The following NTM variants were observed in gnomAD, a reference collection of about 807,000 sequenced individuals.
The protein encoded by NTM is IgLON family member 2.
Under a neutral mutation model 42.1 loss-of-function variants are expected in NTM, and 13 were observed. The ratio of observed to expected loss-of-function variants is 0.31; its 90% CI spans 0.20 to 0.49. The LOEUF is 0.49. NTM is among the 20% of genes least tolerant of loss of function. The pLI is 0.99. For missense variants in NTM, 373 were observed against 452.8 expected (o/e 0.82, Z 1.60); for synonymous variants, 187 against 179.2 (o/e 1.04, Z -0.35).
chr11:132,108,263 A>G (rs1407464587), intron 2 of NTM, among the ~76,000 whole-genome samples: 1 of 152,226 alleles, frequency 6.6e-6, no homozygotes, highest in Non-Finnish European at 1.5e-5. Context: ...CATCAAAACG[A>G]CAATAGCTGC....
At chr11:132,305,039 C>T (rs2095027642) in intron 4 of NTM, among the ~76,000 whole-genome samples, 1 of 152,218 alleles carries the variant, frequency 6.6e-6, no homozygotes, top group Non-Finnish European at 1.5e-5. Flanking sequence ...CAAAACTACA[C>T]ATAAATTAAT....
chr11:132,289,773 T>C (rs2094390511), intron 4 of NTM, among the ~76,000 whole-genome samples: 1 of 152,232 alleles, frequency 6.6e-6, no homozygotes, highest in Admixed American at 6.5e-5. Context: ...CTATCACCAC[T>C]GCTGCAAGAC....
intron 1 of NTM, among the ~76,000 whole-genome samples, chr11:131,627,227 A>ATT (rs952030291): frequency 4.7e-5 from 7 of 148,662 alleles, no homozygotes; most frequent in South Asian, 4.2e-4. Flanking sequence ...TTATTTATTT[A>ATT]TTTTTTTTGT....
At chr11:131,795,655 C>T (rs889571443) in intron 1 of NTM, 3 of 985,260 alleles carry the variant, frequency 3.0e-6, no homozygotes, top group East Asian at 2.3e-4. Flanking sequence ...CAGTACAGTG[C>T]CAGTGCCCAT....
At chr11:132,274,134 T>G (rs1297655203) in intron 4 of NTM, among the ~76,000 whole-genome samples, 1 of 152,178 alleles carries the variant, frequency 6.6e-6, no homozygotes, top group Non-Finnish European at 1.5e-5. Flanking sequence ...GTTTTTTTCT[T>G]TGTTCAGCCT....
At chr11:131,428,305 A>G (rs1948348967) in intron 1 of NTM, among the ~76,000 whole-genome samples, 2 of 152,222 alleles carry the variant, frequency 1.3e-5, no homozygotes, top group African/African-American at 4.8e-5. Context: ...TGAGCACGTG[A>G]ACATCACCGT....
chr11:132,226,677 C>A (rs201058532), intron 4 of NTM, among the ~76,000 whole-genome samples: 2 of 152,036 alleles, frequency 1.3e-5, no homozygotes, highest in Admixed American at 1.3e-4. Flanking sequence ...CCAGTAAAGG[C>A]ATAAAGGTAT....
Position 132,300,095 on chromosome 11 carries a change from A to G in NTM, c.527-7594A>G, listed in dbSNP as rs139143701. On this transcript the variant is annotated intron_variant, in intron 4 of 8. Transcript: ENST00000683400. ...ACATCCTGTTTTAAGTCAAGAGAGTAGAGTTTTCTAGTTAAAGGATATGTG... is the reference window on the plus strand; with the variant it reads ...ACATCCTGTTTTAAGTCAAGAGAGTGGAGTTTTCTAGTTAAAGGATATGTG... Among the ~76,000 whole-genome samples the G allele has an allele frequency of 2.0e-5, 3 of 152,242 alleles. No homozygotes were observed. The East Asian group carries it at 5.8e-4, about 29-fold the overall frequency.
chr11:131,739,484 G>T (rs573362627), intron 1 of NTM, among the ~76,000 whole-genome samples: 52 of 152,292 alleles, frequency 3.4e-4, no homozygotes, highest in African/African-American at 1.3e-3. Context: ...AAAGGTTTGT[G>T]TCTCTTAGCT....
At chr11:132,038,650 C>T (rs1485812252) in intron 2 of NTM, among the ~76,000 whole-genome samples, 1 of 152,230 alleles carries the variant, frequency 6.6e-6, no homozygotes, top group African/African-American at 2.4e-5. Flanking sequence ...GCTGCACTTA[C>T]TGATGTTGTC....
chr11:131,795,262 T>C (rs908072364), intron 1 of NTM: 2 of 474,554 alleles, frequency 4.2e-6, no homozygotes, highest in African/African-American at 4.2e-5. Context: ...AATAGGATAA[T>C]CATTTCTTCC....
intron 1 of NTM, among the ~76,000 whole-genome samples, chr11:131,681,785 GTC>G (rs1395773383): frequency 2.2e-5 from 3 of 133,938 alleles, no homozygotes; most frequent in Non-Finnish European, 4.9e-5. Flanking sequence ...GTGTTTCTGT[GTC>G]TGTGTGTATG....
At chr11:131,952,261 A>T (rs1218346477) in intron 2 of NTM, among the ~76,000 whole-genome samples, 1 of 152,184 alleles carries the variant, frequency 6.6e-6, no homozygotes, top group African/African-American at 2.4e-5. Context: ...TAACTGTATT[A>T]CTATTTTCAA....
chr11:132,075,520 T>TAGAAAA, intron 2 of NTM, among the ~76,000 whole-genome samples: 1 of 152,302 alleles, frequency 6.6e-6, no homozygotes, highest in South Asian at 2.1e-4. Flanking sequence ...CTTTTATTGG[T>TAGAAAA]TGTTTTATAC....
chr11:131,913,032 C>A (rs753041991), intron 2 of NTM, among the ~76,000 whole-genome samples: 1 of 152,114 alleles, frequency 6.6e-6, no homozygotes, highest in African/African-American at 2.4e-5. Context: ...TGTTGGCTCA[C>A]GAGACCCACC....
intron 2 of NTM, among the ~76,000 whole-genome samples, chr11:132,064,255 T>C (rs942275166): frequency 4.6e-5 from 7 of 152,188 alleles, no homozygotes; most frequent in African/African-American, 1.7e-4. Context: ...TGCAAATAAT[T>C]TGGGGTTCAG....
chr11:132,106,903 A>G (rs1190639884), intron 2 of NTM, among the ~76,000 whole-genome samples: 1 of 152,170 alleles, frequency 6.6e-6, no homozygotes, highest in Non-Finnish European at 1.5e-5. Flanking sequence ...GATAGTCACA[A>G]CTGGGTTAGG....
intron 2 of NTM, among the ~76,000 whole-genome samples, chr11:132,005,639 C>T (rs1469903158): frequency 2.0e-5 from 3 of 152,096 alleles, no homozygotes; most frequent in Admixed American, 1.3e-4. Context: ...TTTCCATCTC[C>T]CTTTTCCATT....
At chr11:131,509,060 A>AAG (rs1491039005) in intron 1 of NTM, among the ~76,000 whole-genome samples, 40 of 152,292 alleles carry the variant, frequency 2.6e-4, no homozygotes, top group African/African-American at 9.6e-4. Context: ...ATAATAAAAA[A>AAG]GAAATTTGCT....
Sources: gnomAD v4.1 joint callset for allele counts (sites outside exome capture counted in the v4.1 genomes callset) on GRCh38, gnomAD v4.1.1 for gene constraint, MANE v1.5 for transcripts, NCBI Gene and HGNC (gene_info 2026-07-23, HGNC 2026-07-21) for gene names.